The following BRS3 variants were observed in gnomAD, a reference collection of about 807,000 sequenced individuals.
BRS3 encodes the protein bombesin receptor subtype 3.
A neutral mutation model predicts 18.8 loss-of-function variants in BRS3; 5 were observed. The ratio of observed to expected loss-of-function variants is 0.27; its 90% CI spans 0.14 to 0.56. The LOEUF (loss-of-function observed/expected upper bound fraction) is 0.56. Among genes scored for constraint, BRS3 ranks in the 20% least tolerant of loss-of-function variants. The probability of loss-of-function intolerance (pLI) is 0.93; values close to 1 mark genes in which losing one functional copy is unlikely to be tolerated. For synonymous variants in BRS3, 121 were observed against 115.0 expected, an observed-to-expected ratio of 1.05 and a Z score of -0.33; for missense variants, 215 against 296.3, an observed-to-expected ratio of 0.73 and a Z score of 2.01.
At chrX:136,489,694 A>G (rs2075663148) in intron 1 of BRS3, among the ~76,000 whole-genome samples, 1 of 111,592 alleles carries the variant, frequency 9.0e-6, no homozygotes. Flanking sequence ...AGGAAGGTTG[A>G]TAACTGTTCA....
chrX:136,489,648 T>C (rs2075663017), intron 1 of BRS3, among the ~76,000 whole-genome samples: 1 of 111,554 alleles, frequency 9.0e-6, no homozygotes, highest in South Asian at 3.8e-4. Context: ...ATTAATCCTC[T>C]CCTCTTTACC....
intron 1 of BRS3, 53 bp from the exon 2 acceptor site, chrX:136,490,080 T>A: frequency 9.4e-7 from 1 of 1,062,092 alleles, no homozygotes; most frequent in South Asian, 2.2e-5. Context: ...CACCCTAAAA[T>A]TTGGTAACTT....
chrX:136,488,931 G>T (rs1334573267), intron 1 of BRS3, among the ~76,000 whole-genome samples: 1 of 112,020 alleles, frequency 8.9e-6, no homozygotes, highest in East Asian at 2.8e-4. Flanking sequence ...ATGAAAACCA[G>T]GATAGGTGTG....
chrX:136,488,551 G>T lies in BRS3; in HGVS notation c.434+3G>T. 1 of 1,192,694 alleles carries T rather than the reference G, an allele frequency of 8.4e-7. No individual in the cohort carries two copies. Among genetic ancestry groups the T allele is most frequent in the Non-Finnish European group, 1.1e-6 (1 of 885,776 alleles). Reference sequence around the variant, plus strand: ...TTAACAATTCTCAGCGCTGACAGGTGAGTTTCTTTTCTCCATTATATTTGC... The same window carrying T: ...TTAACAATTCTCAGCGCTGACAGGTTAGTTTCTTTTCTCCATTATATTTGC... On this transcript the variant is annotated splice_donor_region_variant and intron_variant, in intron 1 of 2. Transcript: ENST00000370648.
At chrX:136,491,913 G>GTGTTGTTTTTTTTTTTTTTTT (rs773324636) in intron 2 of BRS3, 49 bp from the exon 3 acceptor site, 1 of 431,735 alleles carries the variant, frequency 2.3e-6, no homozygotes, top group African/African-American at 8.1e-5. Flanking sequence ...TGTTTTTTGT[G>GTGTTGTTTTTTTTTTTTTTTT]TTTTTTTTTT....
In BRS3 at chrX:136,488,522, C is replaced by T; in HGVS notation, c.408C>T (p.Phe136=). The change falls in exon 1 of 3, where the codon TTC becomes TTT. Residue 136 remains phenylalanine (F), a synonymous_variant. Coordinates refer to ENST00000370648, the MANE Select transcript of BRS3 (RefSeq NM_001727.2). ...TCACTTCTGTTGGTGTGTCAGTGTTCACATTAACAATTCTCAGCGCTGACA... is the reference window on the plus strand; with the variant it reads ...TCACTTCTGTTGGTGTGTCAGTGTTTACATTAACAATTCTCAGCGCTGACA... ...IRLTSVGVSV[F]TLTILSADRY... The T allele has an allele frequency of 8.3e-7, 1 of 1,206,840 alleles. No individual in the cohort carries two copies. The highest frequency in any genetic ancestry group is 1.1e-6 in the Non-Finnish European group (1 of 892,451).
intron 2 of BRS3, among the ~76,000 whole-genome samples, chrX:136,491,219 G>A (rs1215359527): frequency 8.9e-6 from 1 of 111,962 alleles, no homozygotes; most frequent in Non-Finnish European, 1.9e-5. Context: ...CCCCTTGATC[G>A]GTACGCAGAG....
At chrX:136,491,040 C>T (rs180682491) in intron 2 of BRS3, among the ~76,000 whole-genome samples, 6 of 110,881 alleles carry the variant, frequency 5.4e-5, no homozygotes, top group Admixed American at 3.8e-4. Flanking sequence ...GCAAGTAGCA[C>T]GAGAACACAG....
At chrX:136,490,927 T>C (rs897549047) in intron 2 of BRS3, among the ~76,000 whole-genome samples, 9 of 111,784 alleles carry the variant, frequency 8.1e-5, no homozygotes, top group Non-Finnish European at 1.5e-4. Flanking sequence ...TAAAAATACA[T>C]AGCATATAGA....
rs183726053 is a variant in BRS3 at position 136,488,600 on chromosome X, G to A, written c.434+52G>A. 2,017 of 1,108,576 alleles carry A rather than the reference G, an allele frequency of 1.8e-3. 17 individuals are homozygous for A. In the African/African-American group the frequency reaches 0.029, roughly 16 times the overall value. 91.4% of individuals were successfully genotyped at this position (1,108,576 alleles called of 1,213,427 possible). ...GCCAGGATGTGAAATTGGGCAAAAA[G>A]AAAGGAAAGCTTGTACTTAGCATTT... On this transcript the variant is annotated intron_variant, in intron 1 of 2. Coordinates refer to ENST00000370648, the MANE Select transcript of BRS3 (RefSeq NM_001727.2).
At chrX:136,491,234 G>A (rs1203607) in intron 2 of BRS3, among the ~76,000 whole-genome samples, 35,915 of 111,196 alleles carry the variant, frequency 0.32, 4,532 homozygotes, top group Non-Finnish European at 0.4. Context: ...GCAGAGAACT[G>A]TGCCTTTTTT....
intron 1 of BRS3, among the ~76,000 whole-genome samples, chrX:136,489,349 C>T (rs1306201873): frequency 8.9e-6 from 1 of 111,840 alleles, no homozygotes; most frequent in Non-Finnish European, 1.9e-5. Context: ...TGCAAGATTC[C>T]TGTAAGTAAT....
In BRS3 at chrX:136,490,491, A is replaced by G; in HGVS notation, c.786+7A>G. On this transcript the variant is annotated splice_region_variant and intron_variant, in intron 2 of 2. Coordinates refer to ENST00000370648, the MANE Select transcript of BRS3 (RefSeq NM_001727.2). ...AAGCCATGCCCGTAAGCAGGTATGT[A>G]TTAATCAGTACTCATGCAAATCTAG... 1 of 1,124,158 alleles carries G rather than the reference A, an allele frequency of 8.9e-7. No homozygotes were observed. 92.6% of individuals were successfully genotyped at this position (1,124,158 alleles called of 1,213,427 possible).
intron 1 of BRS3, 138 bp downstream of exon 1, chrX:136,488,686 G>T: frequency 1.6e-6 from 1 of 630,862 alleles, no homozygotes. Flanking sequence ...GGAAAATCTG[G>T]TGGCATTTAA....
rs1569350463 is a variant in BRS3, at chrX:136,488,197, C to T, written c.83C>T (p.Ser28Phe). ...ACAGAATCATCAAGCTCTGTGGTTT[C>T]TAACGATAACACAAATAAAGGATGG... ...NDTESSSSVV[S>F]NDNTNKGWSG... The change falls in exon 1 of 3, where the codon TCT becomes TTT. Residue 28 changes from serine to phenylalanine, a missense_variant. Ser to Phe is a radical substitution (Grantham distance 155). This residue lies in a region of BRS3 where 47 missense variants were observed against 43.1 expected (regional missense o/e 1.09). Coordinates refer to ENST00000370648, the MANE Select transcript of BRS3 (RefSeq NM_001727.2). The T allele has an allele frequency of 8.3e-7, 1 of 1,211,600 alleles. No homozygotes were observed. The highest frequency in any genetic ancestry group is 1.1e-6 in the Non-Finnish European group (1 of 895,371).
At chrX:136,490,062 T>TCG in intron 1 of BRS3, 71 bp from the exon 2 acceptor site, 1 of 823,331 alleles carries the variant, frequency 1.2e-6, no homozygotes, top group Non-Finnish European at 1.7e-6. Context: ...ACCACTAAGG[T>TCG]CACTTCTCAC....
Position 136,488,246 on chromosome X carries a change from A to G in BRS3, c.132A>G (p.Ile44Met). The change falls in exon 1 of 3, where the codon ATA becomes ATG. Residue 44 changes from isoleucine to methionine, a missense_variant. Ile to Met is a conservative substitution (Grantham distance 10). Transcript: ENST00000370648. Reference sequence around the variant, plus strand: ...GGAGCGGGGACAACTCTCCAGGAATAGAAGCATTGTGTGCCATCTATATTA... The same window carrying G: ...GGAGCGGGGACAACTCTCCAGGAATGGAAGCATTGTGTGCCATCTATATTA... ...KGWSGDNSPG[I>M]EALCAIYITY... 8.3e-7 allele frequency: 1 copy of G among 1,212,013 alleles called. No individual in the cohort carries two copies. The highest frequency in any genetic ancestry group is 1.8e-5 in the South Asian group (1 of 57,011).
chrX:136,491,913 GTTTTTTTTTTTTTT>G (rs754593042), intron 2 of BRS3, 35 bp from the exon 3 acceptor site: 1 of 435,529 alleles, frequency 2.3e-6, no homozygotes, highest in Non-Finnish European at 2.8e-6. Context: ...TGTTTTTTGT[GTTTTTTTTTTTTTT>G]TTTTTTTTTT....
At chrX:136,491,916 T>TTTTTTTTTTTTTTTTTTTTTTTTTTG in intron 2 of BRS3, 46 bp from the exon 3 acceptor site, 1 of 475,894 alleles carries the variant, frequency 2.1e-6, no homozygotes, top group East Asian at 6.1e-5. Context: ...TTTTTGTGTT[T>TTTTTTTTTTTTTTTTTTTTTTTTTTG]TTTTTTTTTT....
Sources: allele counts gnomAD v4.1 joint callset (sites outside exome capture counted in the v4.1 genomes callset), GRCh38; gene constraint gnomAD v4.1.1; regional missense constraint gnomAD v4.1.1; transcripts MANE v1.5; gene names NCBI Gene and HGNC (gene_info 2026-07-23, HGNC 2026-07-21).